RMI1: variants seen among roughly 807,000 people sequenced by gnomAD.
RMI1 encodes RecQ mediated genome instability 1.
In RMI1, 36 loss-of-function variants were observed where a neutral mutation model predicts 46.7. The ratio of observed to expected loss-of-function variants is 0.77; its 90% CI spans 0.59 to 1.02. The LOEUF (loss-of-function observed/expected upper bound fraction) is 1.02. Among genes scored for constraint, RMI1 ranks in the 50% least tolerant of loss-of-function variants. RMI1 has a pLI of 0.00. For missense variants in RMI1, 676 were observed against 713.7 expected (o/e 0.95, Z 0.60); for synonymous variants, 250 against 252.9 (o/e 0.99, Z 0.11).
chr9:83,992,599 C>G (rs908090932), intron 1 of RMI1, among the ~76,000 whole-genome samples: 1 of 152,158 alleles, frequency 6.6e-6, no homozygotes, highest in Non-Finnish European at 1.5e-5. Flanking sequence ...TTGGGTGACT[C>G]AGGTTTTTCA....
At chr9:83,985,556 A>G (rs542324033) in intron 1 of RMI1, among the ~76,000 whole-genome samples, 1 of 152,246 alleles carries the variant, frequency 6.6e-6, no homozygotes, top group Non-Finnish European at 1.5e-5. Context: ...CTGTAAATTC[A>G]TAGTATGTCA....
rs992802704 is a variant in RMI1, at chr9:84,004,007, C to A, written c.*1143C>A. The A allele has an allele frequency of 1.9e-5, 3 of 161,046 alleles. No homozygotes were observed. The highest frequency in any genetic ancestry group is 4.9e-5 in the African/African-American group (2 of 40,970). The allele number at this position is 161,046 out of a possible 1,614,324, so 10.0% of individuals were successfully genotyped here. On this transcript the variant is annotated 3_prime_UTR_variant, in exon 3 of 3. Transcript: ENST00000445877. ...GAAAGGTAATGTTGTTTTTATTAATCTTTTGTCTTAAAATAATTTAAAGTG... is the reference window on the plus strand; with the variant it reads ...GAAAGGTAATGTTGTTTTTATTAATATTTTGTCTTAAAATAATTTAAAGTG...
chr9:83,990,510 TA>T (rs55939734), intron 1 of RMI1, among the ~76,000 whole-genome samples: 50 of 141,102 alleles, frequency 3.5e-4, no homozygotes, highest in East Asian at 4.2e-4. Context: ...AATGCTGTCT[TA>T]AAAAAAAAAA....
rs766264253 is a variant in RMI1 at position 83,991,947 on chromosome 9, A to G, written c.-125-7762A>G. ...TCCAACTTTGTTTTTCTTTTTCAAA[A>G]TTGTCTTGGCAATTCTAGTTCCTTT... On this transcript the variant is annotated intron_variant, in intron 1 of 2. Coordinates refer to ENST00000445877, the MANE Select transcript of RMI1 (RefSeq NM_001358291.2). 2.3e-4 allele frequency among the ~76,000 whole-genome samples: 35 copies of G among 152,130 alleles called. 1 individual carries two copies. The highest frequency in any genetic ancestry group is 4.6e-4 in the Non-Finnish European group (31 of 68,008).
At chr9:83,991,481 T>C (rs1352320263) in intron 1 of RMI1, among the ~76,000 whole-genome samples, 1 of 152,044 alleles carries the variant, frequency 6.6e-6, no homozygotes, top group Non-Finnish European at 1.5e-5. Flanking sequence ...ATACCCCAGT[T>C]TGTTTTAAAA....
At chr9:83,985,723 A>G (rs1957478811) in intron 1 of RMI1, among the ~76,000 whole-genome samples, 1 of 152,170 alleles carries the variant, frequency 6.6e-6, no homozygotes, top group African/African-American at 2.4e-5. Flanking sequence ...TCAGTAGCAC[A>G]TACGGCCGGG....
chr9:83,985,089 T>C (rs1003859188), intron 1 of RMI1, among the ~76,000 whole-genome samples: 1 of 152,182 alleles, frequency 6.6e-6, no homozygotes, highest in African/African-American at 2.4e-5. Flanking sequence ...AAGGACTAGA[T>C]GCCATTAATA....
rs554219231 is a variant in RMI1, at chr9:83,990,817, A to T, written c.-125-8892A>T. ...TTTCTTTCTTTTTATTTATTTATTT[A>T]TTTTTTTGAGACGGAGTTTTGCTCT... On this transcript the variant is annotated intron_variant, in intron 1 of 2. Transcript: ENST00000445877. Among the ~76,000 whole-genome samples, 6 of 151,522 alleles carry T rather than the reference A, an allele frequency of 4.0e-5. No individual in the cohort carries two copies. In the South Asian group the frequency reaches 1.3e-3, roughly 32 times the overall value.
chr9:83,999,283 T>G (rs1439452619), intron 1 of RMI1, among the ~76,000 whole-genome samples: 2 of 152,174 alleles, frequency 1.3e-5, no homozygotes, highest in Admixed American at 1.3e-4. Flanking sequence ...TAGTATACAT[T>G]TACTGAGTTC....
At chr9:83,998,088 T>C (rs997564099) in intron 1 of RMI1, among the ~76,000 whole-genome samples, 1 of 152,208 alleles carries the variant, frequency 6.6e-6, no homozygotes, top group Non-Finnish European at 1.5e-5. Flanking sequence ...TGAGCTACCA[T>C]GCCCAGCCAA....
rs1957752759 is a variant in RMI1 at position 84,002,433 on chromosome 9, G to T, written c.1447G>T (p.Ala483Ser). The change falls in exon 3 of 3, where the codon GCC (alanine) becomes TCC (serine). Residue 483 changes from alanine (A) to serine (S), a missense_variant. By Grantham distance (99) the Ala-to-Ser change is moderately conservative. Coordinates refer to ENST00000445877, the MANE Select transcript of RMI1 (RefSeq NM_001358291.2). The stretch of plus-strand genomic sequence containing the variant: ...AGAGAATAGCATTAATCTTTCTATT[G>T]CCATGGATTTGTATTCTCCACCCTT... Reference protein sequence around the residue: ...SSENSINLSIAMDLYSPPFVY... With the variant: ...SSENSINLSISMDLYSPPFVY... 6.2e-7 allele frequency: 1 copy of T among 1,613,750 alleles called. No individual in the cohort carries two copies.
At chr9:83,987,068 C>A (rs145513568) in intron 1 of RMI1, among the ~76,000 whole-genome samples, 1 of 152,068 alleles carries the variant, frequency 6.6e-6, no homozygotes, top group Non-Finnish European at 1.5e-5. Flanking sequence ...CTCCCCTCCC[C>A]TTCCCTTCGC....
rs1377474897 is a variant in RMI1 at position 84,002,735 on chromosome 9, A to G, written c.1749A>G (p.Arg583=). 2.5e-6 allele frequency: 4 copies of G among 1,613,920 alleles called. No individual in the cohort carries two copies. In the Admixed American group the frequency reaches 6.7e-5, roughly 27 times the overall value. ...KFLEGLQKCQ[R]DLIDLCCLMT... ...TGGAAGGGTTGCAGAAATGTCAAAG[A>G]GATCTAATAGATTTGTGCTGTCTAA... The change falls in exon 3 of 3, where the codon AGA becomes AGG. Residue 583 remains arginine, a synonymous_variant. Transcript: ENST00000445877.
rs757063359 is a variant in RMI1 at position 84,002,827 on chromosome 9, A to G, written c.1841A>G (p.Glu614Gly). The G allele has an allele frequency of 6.3e-7, 1 of 1,581,200 alleles. No individual in the cohort carries two copies. The highest frequency in any genetic ancestry group is 8.6e-7 in the Non-Finnish European group (1 of 1,156,592). The change falls in exon 3 of 3, where the codon GAA becomes GGA. Residue 614 changes from glutamate (E) to glycine (G), a missense_variant. By Grantham distance (98) the Glu-to-Gly change is moderately conservative. Transcript: ENST00000445877. The stretch of plus-strand genomic sequence containing the variant: ...CTGGCATTACAAGATGTTAATATGG[A>G]ACACCTTGAGAATCTAAAGAAGCGG... Reference protein sequence around the residue: ...MVLALQDVNMEHLENLKKRLN... With the variant: ...MVLALQDVNMGHLENLKKRLN...
rs1588471028 is a variant in RMI1 at position 83,998,425 on chromosome 9, T to C, written c.-125-1284T>C. Among the ~76,000 whole-genome samples, 3 of 152,298 alleles carry C rather than the reference T, an allele frequency of 2.0e-5. No homozygotes were observed. The East Asian group carries it at 5.8e-4, about 29-fold the overall frequency. On this transcript the variant is annotated intron_variant, in intron 1 of 2. Transcript: ENST00000445877. ...AGAACTATATGCTTCTATGTCTTCT[T>C]TTATGGGACATTTAAAAATTTTTAA...
intron 1 of RMI1, among the ~76,000 whole-genome samples, chr9:83,998,191 T>G (rs1957686593): frequency 6.6e-6 from 1 of 152,206 alleles, no homozygotes; most frequent in Non-Finnish European, 1.5e-5. Context: ...CTGCATAGTT[T>G]ATCTTCATCA....
At chr9:83,998,192 A>G (rs966315892) in intron 1 of RMI1, among the ~76,000 whole-genome samples, 5 of 152,272 alleles carry the variant, frequency 3.3e-5, no homozygotes, top group African/African-American at 1.2e-4. Flanking sequence ...TGCATAGTTT[A>G]TCTTCATCAC....
upstream of RMI1, chr9:83,980,795 G>GT (rs1957360689): frequency 6.6e-6 from 1 of 152,368 alleles, no homozygotes; most frequent in African/African-American, 2.4e-5. Flanking sequence ...GCGGGAAGAG[G>GT]TAAAAAAGGA....
Position 83,982,666 on chromosome 9 carries a change from TCAAAAA to T in RMI1, c.-126+1794_-126+1799del, listed in dbSNP as rs901707758. ...CTGGGCGACAGAGCGAGACCCTGTCTCAAAAACAAAAACAAAAACAAAAAAAAAAAC... is the reference window on the plus strand; with the variant it reads ...CTGGGCGACAGAGCGAGACCCTGTCTCAAAAACAAAAACAAAAAAAAAAAC... On this transcript the variant is annotated intron_variant, in intron 1 of 2. Coordinates refer to ENST00000445877, the MANE Select transcript of RMI1 (RefSeq NM_001358291.2). Among the ~76,000 whole-genome samples the T allele has an allele frequency of 1.4e-3, 210 of 151,204 alleles. 1 individual carries two copies. Among genetic ancestry groups the T allele is most frequent in the African/African-American group, 4.6e-3 (187 of 41,024 alleles).
Sources: gnomAD v4.1 joint callset for allele counts (sites outside exome capture counted in the v4.1 genomes callset) on GRCh38, gnomAD v4.1.1 for gene constraint, MANE v1.5 for transcripts, NCBI Gene and HGNC (gene_info 2026-07-23, HGNC 2026-07-21) for gene names.